The following MTFR1 variants were observed in gnomAD, a reference collection of about 807,000 sequenced individuals.
The protein encoded by MTFR1 is mitochondrial fission regulator 1.
A neutral mutation model predicts 38.8 loss-of-function variants in MTFR1; 28 were observed. That is an observed-to-expected ratio of 0.72 (90% CI 0.53 to 0.99). The LOEUF (loss-of-function observed/expected upper bound fraction) is 0.99. Among genes scored for constraint, MTFR1 ranks in the 50% least tolerant of loss-of-function variants. The pLI, the probability that MTFR1 is intolerant of heterozygous loss-of-function variation, is 0.00. For synonymous variants in MTFR1, 145 were observed against 137.0 expected (o/e 1.06, Z -0.41); for missense variants, 358 against 395.5 (o/e 0.91, Z 0.81).
chr8:65,718,593 A>G (rs1473719927), intron 2 of MTFR1: 1 of 152,350 alleles, frequency 6.6e-6, no homozygotes, highest in Non-Finnish European at 1.5e-5. Context: ...TGCATTGCCA[A>G]ACGGCACTGG....
chr8:65,708,215 T>A, intron 7 of MTFR1: 1 of 1,042,332 alleles, frequency 9.6e-7, no homozygotes, highest in South Asian at 1.6e-5. Flanking sequence ...TTTACTTTTC[T>A]AACTATGAAA....
At chr8:65,734,323 C>T (rs1807032501) in intron 3 of MTFR1, among the ~76,000 whole-genome samples, 1 of 152,204 alleles carries the variant, frequency 6.6e-6, no homozygotes. Context: ...ATCCACATCC[C>T]TACTTCACCA....
In MTFR1 at chr8:65,719,304, T is replaced by C. The variant is rs758094199; in HGVS notation, c.382-76T>C. On this transcript the variant is annotated intron_variant, in intron 2 of 3. Transcript: ENST00000521247. ...GGTTCTGGGGGTTATGATAACCGAT[T>C]TTCCTGAGGTAATAACTGTGAGTTC... 4.3e-6 allele frequency: 7 copies of C among 1,613,552 alleles called. No homozygotes were observed. The South Asian group carries it at 7.7e-5, about 18-fold the overall frequency.
intron 3 of MTFR1, among the ~76,000 whole-genome samples, chr8:65,767,883 A>C (rs1027388280): frequency 3.9e-5 from 6 of 152,112 alleles, no homozygotes; most frequent in Admixed American, 1.3e-4. Flanking sequence ...AATCCAACCC[A>C]AAAAGAGGGT....
Position 65,709,097 on chromosome 8 carries a change from C to A in MTFR1, c.*53C>A. The A allele has an allele frequency of 1.3e-6, 2 of 1,521,294 alleles. No individual in the cohort carries two copies. Among genetic ancestry groups the A allele is most frequent in the Non-Finnish European group, 1.8e-6 (2 of 1,096,094 alleles). The allele number at this position is 1,521,294 out of a possible 1,614,324, so 94.2% of individuals were successfully genotyped here. ...GGTTCCCCTGTTGATTTGTGAGGGC[C>A]AAGTTTGCTAGTAGAAATCGACACT... On this transcript the variant is annotated 3_prime_UTR_variant, in exon 8 of 8. Coordinates refer to ENST00000262146, the MANE Select transcript of MTFR1 (RefSeq NM_014637.4).
At chr8:65,654,482 G>A (rs982552454) in intron 1 of MTFR1, among the ~76,000 whole-genome samples, 8 of 152,030 alleles carry the variant, frequency 5.3e-5, no homozygotes, top group African/African-American at 1.9e-4. Flanking sequence ...TCACAGTAAT[G>A]TTTCAGTGAA....
At chr8:65,658,073 C>T (rs1809315179) in intron 1 of MTFR1, among the ~76,000 whole-genome samples, 1 of 152,100 alleles carries the variant, frequency 6.6e-6, no homozygotes, top group Non-Finnish European at 1.5e-5. Context: ...ATGCCAGCCA[C>T]ATAACTAAGA....
intron 2 of MTFR1, among the ~76,000 whole-genome samples, chr8:65,675,381 G>C (rs1254269266): frequency 6.6e-6 from 1 of 152,056 alleles, no homozygotes; most frequent in Admixed American, 6.6e-5. Context: ...GGATCACGAG[G>C]TCAGGAGATC....
intron 3 of MTFR1, among the ~76,000 whole-genome samples, chr8:65,726,501 A>C (rs1806618413): frequency 6.6e-6 from 1 of 152,172 alleles, no homozygotes; most frequent in Non-Finnish European, 1.5e-5. Flanking sequence ...AATGTAATAG[A>C]ATGTTTACAT....
At chr8:65,725,861 A>G (rs745398608) in intron 3 of MTFR1, among the ~76,000 whole-genome samples, 48 of 152,304 alleles carry the variant, frequency 3.2e-4, no homozygotes, top group Non-Finnish European at 5.6e-4. Flanking sequence ...ATCTGTCTTA[A>G]TTTTAAGAAC....
chr8:65,739,427 T>C, intron 3 of MTFR1: 1 of 1,437,358 alleles, frequency 7.0e-7, no homozygotes, highest in East Asian at 2.7e-5. Flanking sequence ...CTAACCGATA[T>C]AACTGAGATA....
chr8:65,740,022 G>A (rs1351693248), intron 3 of MTFR1, among the ~76,000 whole-genome samples: 1 of 152,124 alleles, frequency 6.6e-6, no homozygotes, highest in Non-Finnish European at 1.5e-5. Context: ...TTCCTTGGCT[G>A]CAGCCTTGTT....
At chr8:65,692,640 G>A (rs1805315221) in intron 3 of MTFR1, among the ~76,000 whole-genome samples, 1 of 151,056 alleles carries the variant, frequency 6.6e-6, no homozygotes, top group Admixed American at 6.6e-5. Context: ...GCACCTGGCT[G>A]TCTTTTTTTT....
chr8:65,672,011 C>G (rs373178499), intron 2 of MTFR1, among the ~76,000 whole-genome samples: 6 of 152,308 alleles, frequency 3.9e-5, no homozygotes, highest in African/African-American at 1.4e-4. Context: ...GTGCAGAATT[C>G]TGTTTCAGGC....
intron 1 of MTFR1, among the ~76,000 whole-genome samples, chr8:65,663,546 A>G (rs1342597299): frequency 6.6e-6 from 1 of 151,472 alleles, no homozygotes; most frequent in Non-Finnish European, 1.5e-5. Flanking sequence ...AAAAAAAAAA[A>G]AGAGCAAAAG....
chr8:65,725,588 T>C (rs1199953479), intron 3 of MTFR1: 1 of 152,468 alleles, frequency 6.6e-6, no homozygotes, highest in Admixed American at 6.5e-5. Context: ...AAGATAAACA[T>C]ACTTAAAAAA....
chr8:65,686,579 CAAAA>C (rs757100773), intron 3 of MTFR1, among the ~76,000 whole-genome samples: 3 of 62,394 alleles, frequency 4.8e-5, no homozygotes, highest in Non-Finnish European at 6.0e-5. Context: ...GACTCCGTCT[CAAAA>C]AAAAAAAAAA....
chr8:65,688,581 T>C (rs1805172694), intron 3 of MTFR1, among the ~76,000 whole-genome samples: 1 of 149,788 alleles, frequency 6.7e-6, no homozygotes, highest in Non-Finnish European at 1.5e-5. Context: ...CCTGAGTAGC[T>C]GGGACTACAG....
At chr8:65,679,978 G>A (rs528982599) in intron 2 of MTFR1, among the ~76,000 whole-genome samples, 4 of 151,940 alleles carry the variant, frequency 2.6e-5, no homozygotes, top group East Asian at 3.9e-4. Flanking sequence ...TTACATTTCC[G>A]AAGCAAGAGC....
Sources: allele counts gnomAD v4.1 joint callset (sites outside exome capture counted in the v4.1 genomes callset), GRCh38; gene constraint gnomAD v4.1.1; transcripts MANE v1.5; gene names NCBI Gene and HGNC (gene_info 2026-07-23, HGNC 2026-07-21).